Variants in CEACAM7 observed in about 807,000 individuals in gnomAD.
CEACAM7 encodes the protein cell adhesion molecule CEACAM7.
CEACAM7 carries 24 observed loss-of-function variants against 25.7 expected under a neutral mutation model. The observed-to-expected ratio is 0.93, with a 90% CI of 0.68 to 1.31. CEACAM7 has a LOEUF of 1.31. CEACAM7 is among the 40% of genes most tolerant of loss of function. The pLI, the probability that CEACAM7 is intolerant of heterozygous loss-of-function variation, is 0.00. For synonymous variants in CEACAM7, 144 were observed against 129.4 expected, an observed-to-expected ratio of 1.11 and a Z score of -0.77; for missense variants, 324 against 330.1, an observed-to-expected ratio of 0.98 and a Z score of 0.14.
intron 4 of CEACAM7, among the ~76,000 whole-genome samples, chr19:41,675,998 G>A (rs2072110113): frequency 6.6e-6 from 1 of 152,190 alleles, no homozygotes; most frequent in South Asian, 2.1e-4. Flanking sequence ...GGATTACTGA[G>A]TTCAGGGCAT....
At chr19:41,681,857 G>A (rs566338795) in intron 3 of CEACAM7, among the ~76,000 whole-genome samples, 69 of 152,184 alleles carry the variant, frequency 4.5e-4, no homozygotes, top group Non-Finnish European at 7.8e-4. Flanking sequence ...TGTTTATTGA[G>A]TGCAGAGGTT....
At chr19:41,675,791 T>C (rs782675710) in intron 4 of CEACAM7, among the ~76,000 whole-genome samples, 20 of 152,256 alleles carry the variant, frequency 1.3e-4, no homozygotes, top group Non-Finnish European at 2.8e-4. Context: ...TGGTTATTTC[T>C]GTGGCATGTA....
chr19:41,680,073 G>A (rs1555810544), intron 3 of CEACAM7, among the ~76,000 whole-genome samples: 1 of 142,590 alleles, frequency 7.0e-6, no homozygotes, highest in African/African-American at 2.6e-5. Context: ...GACCACCTCA[G>A]CCTCCCAAAG....
At chr19:41,675,623 C>G (rs6508990) in intron 4 of CEACAM7, among the ~76,000 whole-genome samples, 68,528 of 151,984 alleles carry the variant, frequency 0.45, 16,752 homozygotes, top group Middle Eastern at 0.62. Flanking sequence ...CCTTGGAAAA[C>G]AAGCAGTTTT....
chr19:41,683,124 G>A (rs769202657), intron 3 of CEACAM7, among the ~76,000 whole-genome samples: 21 of 152,174 alleles, frequency 1.4e-4, no homozygotes, highest in Non-Finnish European at 2.8e-4. Context: ...TGATGCCAAC[G>A]GTCCAGGGAT....
chr19:41,686,823 C>A (rs145147015), intron 2 of CEACAM7, 36 bp downstream of exon 2: 7 of 1,469,452 alleles, frequency 4.8e-6, no homozygotes, highest in Non-Finnish European at 6.3e-6. Context: ...GTAGAACTGG[C>A]CCCCAGCACC....
rs1460452323 is a variant in CEACAM7, at chr19:41,684,171, C to T, written c.428-108G>A. 3.4e-6 allele frequency: 4 copies of T among 1,190,614 alleles called. No homozygotes were observed. The African/African-American group carries it at 4.5e-5, about 14-fold the overall frequency. The allele number at this position is 1,190,614 out of a possible 1,614,324, so 73.8% of individuals were successfully genotyped here. On this transcript the variant is annotated intron_variant, in intron 2 of 4. Transcript: ENST00000401731. ...TCCCACCTCTAAGCCCACTCAAGTC[C>T]TTAAAAGCCCACAGAAGGTGTGTGT... is the stretch of plus-strand genomic sequence containing the variant.
chr19:41,677,719 C>A (rs1555810284), intron 3 of CEACAM7, among the ~76,000 whole-genome samples: 2 of 152,184 alleles, frequency 1.3e-5, no homozygotes, highest in African/African-American at 4.8e-5. Flanking sequence ...TCTGTCAATT[C>A]CATCCTGACC....
chr19:41,686,990 CGACCGTTGTGTGCG>C lies in CEACAM7; in HGVS notation c.282_295del (p.Ala95ArgfsTer18). 1 of 1,613,240 alleles carries C rather than the reference CGACCGTTGTGTGCG, an allele frequency of 6.2e-7. No individual in the cohort carries two copies. The highest frequency in any genetic ancestry group is 8.5e-7 in the Non-Finnish European group (1 of 1,179,640). ...GGTTCCATTGGGGTATATTGTCTCT[CGACCGTTGTGTGCG>C]GGCCCTGGGGCATTTTCTTGACTTA... On this transcript the variant is annotated frameshift_variant, in exon 2 of 5. Transcript: ENST00000401731. LOFTEE classifies it high-confidence loss of function.
At chr19:41,687,662 G>A (rs1294736522) in intron 1 of CEACAM7, among the ~76,000 whole-genome samples, 2 of 152,356 alleles carry the variant, frequency 1.3e-5, no homozygotes, top group East Asian at 3.9e-4. Flanking sequence ...AGGGACTTGT[G>A]TGAACTGGAT....
intron 3 of CEACAM7, among the ~76,000 whole-genome samples, chr19:41,679,491 G>T (rs1377747771): frequency 6.6e-6 from 1 of 152,134 alleles, no homozygotes; most frequent in East Asian, 1.9e-4. Flanking sequence ...AAGACTGAAA[G>T]CTTTCCCTCT....
chr19:41,687,213 A>G lies in CEACAM7; in HGVS notation c.73T>C (p.Leu25=). 6.3e-7 allele frequency: 1 copy of G among 1,599,422 alleles called. No homozygotes were observed. The highest frequency in any genetic ancestry group is 8.5e-7 in the Non-Finnish European group (1 of 1,171,862). The change falls in exon 2 of 5, where the codon TTA becomes CTA. Residue 25 remains leucine (L), a synonymous_variant. Coordinates refer to ENST00000401731, the MANE Select transcript of CEACAM7 (RefSeq NM_001291485.2). ...CTGTTTGGCAGGTTCCAGAAGGTTA[A>G]AAGCGAGGCTAGGAGGGGGAGAGAA... ...WQGLLLTASL[L]TFWNLPNSAQ...
intron 4 of CEACAM7, among the ~76,000 whole-genome samples, chr19:41,677,043 G>A (rs2072120730): frequency 6.6e-6 from 1 of 152,146 alleles, no homozygotes; most frequent in Non-Finnish European, 1.5e-5. Flanking sequence ...AAGTCAAGCA[G>A]GACTTCAAGC....
chr19:41,675,523 G>A (rs1339264667), intron 4 of CEACAM7, among the ~76,000 whole-genome samples: 1 of 152,166 alleles, frequency 6.6e-6, no homozygotes, highest in African/African-American at 2.4e-5. Flanking sequence ...CTTCATTAAA[G>A]TTTTGGAAAT....
intron 4 of CEACAM7, 85 bp downstream of exon 4, chr19:41,677,291 A>G: frequency 1.5e-6 from 1 of 688,336 alleles, no homozygotes; most frequent in Non-Finnish European, 2.6e-6. Flanking sequence ...AGTCCCAGAT[A>G]CAGGTGAAGA....
intron 2 of CEACAM7, among the ~76,000 whole-genome samples, chr19:41,684,758 A>G (rs141269796): frequency 1.0e-3 from 159 of 152,304 alleles, no homozygotes; most frequent in Middle Eastern, 3.4e-3. Flanking sequence ...AAGAACAATG[A>G]AGACAAATTA....
intron 4 of CEACAM7, among the ~76,000 whole-genome samples, chr19:41,674,963 G>A (rs1323599375): frequency 1.3e-5 from 2 of 152,150 alleles, no homozygotes; most frequent in African/African-American, 4.8e-5. Context: ...TGACCACATA[G>A]CATCTTTTTA....
At chr19:41,677,530 T>A in intron 3 of CEACAM7, 27 bp from the exon 4 acceptor site, 1 of 1,560,218 alleles carries the variant, frequency 6.4e-7, no homozygotes, top group Middle Eastern at 1.7e-4. Context: ...AGAGAAGGAA[T>A]GAAGTTGATC....
chr19:41,685,383 C>T (rs1369849214), intron 2 of CEACAM7, among the ~76,000 whole-genome samples: 1 of 151,836 alleles, frequency 6.6e-6, no homozygotes, highest in Non-Finnish European at 1.5e-5. Context: ...TCAAGACACC[C>T]TCCTGTCTCA....
Sources: gnomAD v4.1 joint callset for allele counts (sites outside exome capture counted in the v4.1 genomes callset) on GRCh38, gnomAD v4.1.1 for gene constraint, MANE v1.5 for transcripts, NCBI Gene and HGNC (gene_info 2026-07-23, HGNC 2026-07-21) for gene names.